The following KCNG2 variants were observed in gnomAD, a reference collection of about 807,000 sequenced individuals.
The protein encoded by KCNG2 is voltage-gated potassium channel regulatory subunit KCNG2.
KCNG2 carries 7 observed loss-of-function variants against 12.3 expected under a neutral mutation model. The observed-to-expected ratio is 0.57, with a 90% CI of 0.32 to 1.07. The LOEUF is 1.07. Among genes scored for constraint, KCNG2 ranks in the 50% least tolerant of loss-of-function variants. The pLI, the probability that KCNG2 is intolerant of heterozygous loss-of-function variation, is 0.04. For missense variants in KCNG2, 703 were observed against 726.0 expected, an observed-to-expected ratio of 0.97 and a Z score of 0.36; for synonymous variants, 414 against 351.4, an observed-to-expected ratio of 1.18 and a Z score of -1.99.
At chr18:79,880,652 A>C (rs993492878) in intron 3 of KCNG2, among the ~76,000 whole-genome samples, 1 of 152,216 alleles carries the variant, frequency 6.6e-6, no homozygotes, top group Admixed American at 6.5e-5. Context: ...CAAGAAAAGT[A>C]AAAACAAAGA....
intron 1 of KCNG2, among the ~76,000 whole-genome samples, chr18:79,824,540 A>G (rs1420463622): frequency 6.6e-6 from 1 of 152,204 alleles, no homozygotes; most frequent in Non-Finnish European, 1.5e-5. Context: ...TACCTCTCGT[A>G]TAATGTTAAA....
At chr18:79,832,344 T>C (rs1432669154) in intron 1 of KCNG2, among the ~76,000 whole-genome samples, 1 of 149,764 alleles carries the variant, frequency 6.7e-6, no homozygotes, top group South Asian at 2.1e-4. Context: ...CATCCTTACC[T>C]GCCCTTCCTC....
At chr18:79,887,743 C>T (rs1221558776) in intron 3 of KCNG2, among the ~76,000 whole-genome samples, 1 of 152,184 alleles carries the variant, frequency 6.6e-6, no homozygotes, top group East Asian at 1.9e-4. Context: ...GTGGGAGGGG[C>T]TCTGCAGGGG....
Position 79,832,887 on chromosome 18 carries a change from C to T in KCNG2, c.-114-23492C>T, listed in dbSNP as rs930203524. ...CGTCTGCTCCTTAAGCCCCTGGCAC[C>T]TTAAGGTAGATCACGGTGAGCCTTG... On this transcript the variant is annotated intron_variant, in intron 1 of 3. Transcript: ENST00000316249. Among the ~76,000 whole-genome samples the T allele has an allele frequency of 7.2e-5, 11 of 152,178 alleles. No homozygotes were observed. The South Asian group carries it at 1.2e-3, about 17-fold the overall frequency.
At chr18:79,876,598 T>G (rs1251969089) in intron 3 of KCNG2, among the ~76,000 whole-genome samples, 1 of 152,252 alleles carries the variant, frequency 6.6e-6, no homozygotes, top group Non-Finnish European at 1.5e-5. Flanking sequence ...CAGGCAGTGG[T>G]GCCCTCTGCG....
chr18:79,814,322 A>G (rs72980013), intron 1 of KCNG2, among the ~76,000 whole-genome samples: 2,044 of 152,350 alleles, frequency 0.013, 18 homozygotes, highest in Middle Eastern at 0.027. Flanking sequence ...GTTATTACTA[A>G]CAACCAAAAA....
intron 3 of KCNG2, among the ~76,000 whole-genome samples, chr18:79,888,728 T>C (rs941286505): frequency 6.6e-6 from 1 of 152,170 alleles, no homozygotes; most frequent in South Asian, 2.1e-4. Flanking sequence ...TCTCACTCTG[T>C]CGCCCAGGTG....
intron 1 of KCNG2, among the ~76,000 whole-genome samples, chr18:79,839,845 G>T (rs1055954557): frequency 3.3e-5 from 5 of 152,184 alleles, no homozygotes; most frequent in African/African-American, 1.2e-4. Flanking sequence ...AATTCAATCA[G>T]TGTAAGCACC....
chr18:79,899,381 C>A lies in KCNG2; in HGVS notation c.966C>A (p.Phe322Leu), dbSNP rs767805279. The change falls in exon 4 of 4, where the codon TTC (phenylalanine) becomes TTA (leucine). Residue 322 changes from phenylalanine (F) to leucine (L), a missense_variant. Physicochemically the swap from Phe to Leu is conservative, Grantham distance 22. Transcript: ENST00000316249. ...CCATGCGCCGCTGCGCGCGCGAGTT[C>A]GGGCTGCTGCTGCTGTTCCTCTGCG... is the stretch of plus-strand genomic sequence containing the variant. Reference protein sequence around the residue: ...GLTMRRCAREFGLLLLFLCVA... With the variant: ...GLTMRRCARELGLLLLFLCVA... 1 of 1,564,836 alleles carries A rather than the reference C, an allele frequency of 6.4e-7. No homozygotes were observed. Among genetic ancestry groups the A allele is most frequent in the East Asian group, 2.4e-5 (1 of 42,266 alleles).
Position 79,863,691 on chromosome 18 carries a change from G to GGGCGGC in KCNG2, c.33_38dup (p.Gly12_Gly13dup), listed in dbSNP as rs71338073. ...GCATGGAGCCATGGCCCTGCTCCCC[G>GGGCGGC]GGCGGCGGCGGCGGGACCCGCGCCC... is the stretch of plus-strand genomic sequence containing the variant. On this transcript the variant is annotated inframe_insertion, in exon 3 of 4. Coordinates refer to ENST00000316249, the MANE Select transcript of KCNG2 (RefSeq NM_012283.2). The GGGCGGC allele has an allele frequency of 2.8e-5, 33 of 1,174,676 alleles. No homozygotes were observed. Among genetic ancestry groups the GGGCGGC allele is most frequent in the Middle Eastern group, 3.4e-4 (1 of 2,944 alleles). The allele number at this position is 1,174,676 out of a possible 1,614,324, so 72.8% of individuals were successfully genotyped here.
intron 3 of KCNG2, among the ~76,000 whole-genome samples, chr18:79,888,588 C>T (rs911506832): frequency 4.6e-5 from 7 of 152,188 alleles, no homozygotes; most frequent in African/African-American, 1.2e-4. Flanking sequence ...AGCCGCTGTG[C>T]GGTTCTCATT....
At chr18:79,833,464 G>T (rs1348379058) in intron 1 of KCNG2, among the ~76,000 whole-genome samples, 1 of 152,186 alleles carries the variant, frequency 6.6e-6, no homozygotes, top group Non-Finnish European at 1.5e-5. Context: ...TGATTTGACT[G>T]TTATAGTTGT....
intron 1 of KCNG2, among the ~76,000 whole-genome samples, chr18:79,834,657 A>G (rs1335891651): frequency 2.0e-5 from 3 of 152,244 alleles, no homozygotes; most frequent in South Asian, 2.1e-4. Flanking sequence ...TGAGAGACCT[A>G]TGGCTGCTTG....
intron 3 of KCNG2, among the ~76,000 whole-genome samples, chr18:79,874,849 C>T (rs926202072): frequency 2.0e-5 from 3 of 152,194 alleles, no homozygotes; most frequent in Admixed American, 6.5e-5. Flanking sequence ...CGTTGGCCAG[C>T]GCAGGCCGGG....
chr18:79,884,654 G>A lies in KCNG2; in HGVS notation c.625-14386G>A, dbSNP rs1980451546. ...TTTTGTGTTTTCTACCTAGAGCGGA[G>A]AAATGTTTGTGGTTTCCAAAGAGAC... On this transcript the variant is annotated intron_variant, in intron 3 of 3. Transcript: ENST00000316249. The surrounding 1 kb of genome is among the most constrained non-coding windows in gnomAD (Gnocchi z 5.5). Among the ~76,000 whole-genome samples the A allele has an allele frequency of 6.6e-6, 1 of 152,200 alleles. No homozygotes were observed. The highest frequency in any genetic ancestry group is 1.5e-5 in the Non-Finnish European group (1 of 68,030).
In KCNG2 at chr18:79,849,209, T is replaced by A. The variant is rs1295271245; in HGVS notation, c.-114-7170T>A. On this transcript the variant is annotated intron_variant, in intron 1 of 3. Transcript: ENST00000316249. Reference sequence around the variant, plus strand: ...CCTGGACCCCTCAACCTCCACAGCCTCCCCAGAGGGGCCTCCGAGCGTGGT... The same window carrying A: ...CCTGGACCCCTCAACCTCCACAGCCACCCCAGAGGGGCCTCCGAGCGTGGT... 3.2e-4 allele frequency among the ~76,000 whole-genome samples: 48 copies of A among 152,080 alleles called. 1 individual carries two copies. The highest frequency in any genetic ancestry group is 3.1e-3 in the Admixed American group (48 of 15,278).
rs549188096 is a variant in KCNG2 at position 79,837,699 on chromosome 18, A to C, written c.-114-18680A>C. Among the ~76,000 whole-genome samples, 4 of 152,318 alleles carry C rather than the reference A, an allele frequency of 2.6e-5. No individual in the cohort carries two copies. The South Asian group carries it at 6.2e-4, about 24-fold the overall frequency. ...CCTGGACTTCATTGTCCATATCTCTATCAGTATTTTGGTCAAAACCATTTG... is the reference window on the plus strand; with the variant it reads ...CCTGGACTTCATTGTCCATATCTCTCTCAGTATTTTGGTCAAAACCATTTG... On this transcript the variant is annotated intron_variant, in intron 1 of 3. Transcript: ENST00000316249.
chr18:79,874,408 G>A (rs956556770), intron 3 of KCNG2, among the ~76,000 whole-genome samples: 1 of 152,244 alleles, frequency 6.6e-6, no homozygotes, highest in Admixed American at 6.5e-5. Context: ...CACCTGCCCC[G>A]AGGGGGGAGC....
intron 3 of KCNG2, among the ~76,000 whole-genome samples, chr18:79,870,879 C>T (rs1979801806): frequency 6.6e-6 from 1 of 152,132 alleles, no homozygotes. Flanking sequence ...TTTGTGGATG[C>T]CGAGTTGTGT....
Sources: allele counts gnomAD v4.1 joint callset (sites outside exome capture counted in the v4.1 genomes callset), GRCh38; gene constraint gnomAD v4.1.1; non-coding constraint Gnocchi (gnomAD v3.1); transcripts MANE v1.5; gene names NCBI Gene and HGNC (gene_info 2026-07-23, HGNC 2026-07-21).